The following ACKR2 variants were observed in gnomAD, a reference collection of about 807,000 sequenced individuals.
ACKR2 encodes the protein C-C chemokine receptor D6.
For synonymous variants in ACKR2, 207 were observed against 192.2 expected (o/e 1.08, Z -0.64); for missense variants, 457 against 477.3 (o/e 0.96, Z 0.40).
At chr3:42,832,887 A>G (rs960667871) in intron 2 of ACKR2, among the ~76,000 whole-genome samples, 8 of 151,530 alleles carry the variant, frequency 5.3e-5, no homozygotes, top group Non-Finnish European at 2.9e-5. Context: ...TTTTTGAGAT[A>G]GGGTCTGACT....
chr3:42,860,826 C>T (rs1486569603), intron 2 of ACKR2, among the ~76,000 whole-genome samples: 2 of 152,144 alleles, frequency 1.3e-5, no homozygotes, highest in Non-Finnish European at 1.5e-5. Context: ...AGAACAAAGA[C>T]ACAATGTACT....
intron 2 of ACKR2, among the ~76,000 whole-genome samples, chr3:42,823,603 C>T (rs1700831712): frequency 6.6e-6 from 1 of 152,314 alleles, no homozygotes; most frequent in African/African-American, 2.4e-5. Flanking sequence ...TTTGGGCTCT[C>T]TGCACTGTGT....
At chr3:42,842,985 CAAA>C (rs199716542) in intron 2 of ACKR2, among the ~76,000 whole-genome samples, 30,833 of 80,810 alleles carry the variant, frequency 0.38, 4,741 homozygotes, top group East Asian at 0.63. Flanking sequence ...ACTCTGTCTC[CAAA>C]AAAAAAAAAA....
intron 2 of ACKR2, among the ~76,000 whole-genome samples, chr3:42,855,674 C>G (rs1381949409): frequency 2.6e-5 from 4 of 151,704 alleles, no homozygotes; most frequent in Non-Finnish European, 2.9e-5. Flanking sequence ...TGTGGTCATT[C>G]TTGTTGGCTT....
At chr3:42,826,097 G>A (rs1700862007) in intron 2 of ACKR2, among the ~76,000 whole-genome samples, 1 of 151,950 alleles carries the variant, frequency 6.6e-6, no homozygotes, top group Non-Finnish European at 1.5e-5. Context: ...AGCTTAACTA[G>A]TCATGGTGTA....
rs71072742 is a variant in ACKR2, at chr3:42,828,092, A to ATTTTTTT, written c.-38+8388_-38+8394dup. 3.5e-3 allele frequency among the ~76,000 whole-genome samples: 421 copies of ATTTTTTT among 121,840 alleles called. 1 individual carries two copies. Among genetic ancestry groups the ATTTTTTT allele is most frequent in the Non-Finnish European group, 5.1e-3 (303 of 59,406 alleles). The allele number at this position is 121,840 out of a possible 152,430, so 79.9% of individuals were successfully genotyped here. Reference sequence around the variant, plus strand: ...GCTTGCATTATATATATATATATATATTTTTTTTTTTTTCTTTTCTTTTCT... The same window carrying ATTTTTTT: ...GCTTGCATTATATATATATATATATATTTTTTTTTTTTTTTTTTTTCTTTTCTTTTCT... On this transcript the variant is annotated intron_variant, in intron 2 of 2. Coordinates refer to ENST00000422265, the MANE Select transcript of ACKR2 (RefSeq NM_001296.5).
intron 2 of ACKR2, among the ~76,000 whole-genome samples, chr3:42,843,651 G>A (rs1440938988): frequency 6.6e-6 from 1 of 152,156 alleles, no homozygotes; most frequent in African/African-American, 2.4e-5. Context: ...TTTGCTGGGT[G>A]GCTAACTGAG....
intron 2 of ACKR2, among the ~76,000 whole-genome samples, chr3:42,840,214 C>T (rs1575383530): frequency 7.3e-6 from 1 of 137,158 alleles, no homozygotes; most frequent in Non-Finnish European, 1.5e-5. Context: ...GAGCTGAGAT[C>T]GCGCCAATGC....
intron 2 of ACKR2, among the ~76,000 whole-genome samples, chr3:42,825,280 G>A (rs755174911): frequency 1.3e-5 from 2 of 152,120 alleles, no homozygotes; most frequent in Non-Finnish European, 1.5e-5. Context: ...TGTTGAATCT[G>A]TAGATCAATG....
At chr3:42,816,739 G>A (rs1339908335) in intron 1 of ACKR2, among the ~76,000 whole-genome samples, 1 of 151,900 alleles carries the variant, frequency 6.6e-6, no homozygotes, top group Non-Finnish European at 1.5e-5. Context: ...TCTATTTTTA[G>A]TAGAGACAGG....
At chr3:42,830,574 T>C (rs368341908) in intron 2 of ACKR2, among the ~76,000 whole-genome samples, 10 of 152,210 alleles carry the variant, frequency 6.6e-5, no homozygotes, top group African/African-American at 2.4e-4. Flanking sequence ...AGAAGAGGTG[T>C]AGTGCAGGAC....
intron 1 of ACKR2, among the ~76,000 whole-genome samples, chr3:42,812,248 A>G (rs1315027794): frequency 6.6e-6 from 1 of 152,210 alleles, no homozygotes; most frequent in East Asian, 1.9e-4. Flanking sequence ...GGAGTATTGT[A>G]ATGGGACTGC....
chr3:42,821,728 G>A (rs927309507), intron 2 of ACKR2, among the ~76,000 whole-genome samples: 6 of 151,450 alleles, frequency 4.0e-5, no homozygotes, highest in Admixed American at 1.3e-4. Context: ...AGAGAGTCTC[G>A]TTCTGTCGCC....
In ACKR2 at chr3:42,832,381, C is replaced by T. The variant is rs144582710; in HGVS notation, c.-38+12670C>T. ...GTGGGCACCTGTAATCCCAGCTACTCAGGAGGCTGAGGCATAAGAATCACT... is the reference window on the plus strand; with the variant it reads ...GTGGGCACCTGTAATCCCAGCTACTTAGGAGGCTGAGGCATAAGAATCACT... On this transcript the variant is annotated intron_variant, in intron 2 of 2. Transcript: ENST00000422265. Among the ~76,000 whole-genome samples, 114 of 152,052 alleles carry T rather than the reference C, an allele frequency of 7.5e-4. No homozygotes were observed. In the East Asian group the frequency reaches 0.02, roughly 27 times the overall value.
At chr3:42,855,155 C>T (rs1388817911) in intron 2 of ACKR2, among the ~76,000 whole-genome samples, 1 of 152,174 alleles carries the variant, frequency 6.6e-6, no homozygotes, top group Non-Finnish European at 1.5e-5. Context: ...CCACACCCAG[C>T]CTTCAATCAC....
intron 2 of ACKR2, chr3:42,834,579 T>C (rs141241869): frequency 1.3e-5 from 2 of 151,840 alleles, no homozygotes; most frequent in Non-Finnish European, 2.9e-5. Context: ...TTAATTAATT[T>C]ATTTATTTAC....
At chr3:42,844,224 G>A (rs1479373776) in intron 2 of ACKR2, among the ~76,000 whole-genome samples, 1 of 152,210 alleles carries the variant, frequency 6.6e-6, no homozygotes, top group Non-Finnish European at 1.5e-5. Flanking sequence ...TTATCTGGAA[G>A]TTGGAGACAT....
At chr3:42,811,941 CCTT>C (rs1276090570) in intron 1 of ACKR2, among the ~76,000 whole-genome samples, 1 of 152,166 alleles carries the variant, frequency 6.6e-6, no homozygotes, top group Non-Finnish European at 1.5e-5. Flanking sequence ...TTCCTGCTGA[CCTT>C]CTCCCCATTA....
At position 42,855,809 on chromosome 3, in the gene ACKR2, G is replaced by C. The variant is rs190869438; in HGVS notation, c.-37-8657G>C. 3.7e-3 allele frequency among the ~76,000 whole-genome samples: 559 copies of C among 152,310 alleles called. 6 individuals carry two copies. The highest frequency in any genetic ancestry group is 0.012 in the African/African-American group (501 of 41,560). On this transcript the variant is annotated intron_variant, in intron 2 of 2. Transcript: ENST00000422265. ...AAGGGAATAGAGTGTTCCATGTAGA[G>C]AGAGAACAAAGGTGGCCTGGACTAG...
Sources: allele counts gnomAD v4.1 joint callset (sites outside exome capture counted in the v4.1 genomes callset), GRCh38; gene constraint gnomAD v4.1.1; transcripts MANE v1.5; gene names NCBI Gene and HGNC (gene_info 2026-07-23, HGNC 2026-07-21).